Variants in IL1RAPL2 observed in about 807,000 individuals in gnomAD.
IL1RAPL2 encodes interleukin 1 receptor accessory protein like 2, also known as X-linked interleukin-1 receptor accessory protein-like 2.
A neutral mutation model predicts 44.1 loss-of-function variants in IL1RAPL2; 3 were observed. The ratio of observed to expected loss-of-function variants is 0.07; its 90% CI spans 0.03 to 0.18. IL1RAPL2 has a LOEUF of 0.18. IL1RAPL2 is among the 10% of genes least tolerant of loss of function. The pLI is 1.00. For missense variants in IL1RAPL2, 391 were observed against 496.4 expected (o/e 0.79, Z 2.02); for synonymous variants, 181 against 178.8 (o/e 1.01, Z -0.10).
intron 2 of IL1RAPL2, among the ~76,000 whole-genome samples, chrX:104,982,347 A>G (rs2030457229): frequency 9.0e-6 from 1 of 111,316 alleles, no homozygotes; most frequent in Non-Finnish European, 1.9e-5. Flanking sequence ...ACACATTTAT[A>G]GACACATAAC....
intron 2 of IL1RAPL2, among the ~76,000 whole-genome samples, chrX:104,965,411 A>T (rs1291870056): frequency 8.9e-6 from 1 of 112,006 alleles, no homozygotes; most frequent in East Asian, 2.8e-4. Context: ...GATCCTGGAA[A>T]CTTTGAGCAA....
At chrX:105,405,637 G>A in intron 5 of IL1RAPL2, 2 of 1,127,841 alleles carry the variant, frequency 1.8e-6, no homozygotes, top group South Asian at 3.6e-5. Flanking sequence ...GACCCAGCGG[G>A]GGCAGCGCGA....
At chrX:105,650,475 A>T (rs756232105) in intron 6 of IL1RAPL2, among the ~76,000 whole-genome samples, 7 of 111,737 alleles carry the variant, frequency 6.3e-5, no homozygotes, top group African/African-American at 1.9e-4. Context: ...ATTTTTACCA[A>T]ATCAAATTGG....
chrX:105,295,251 T>C (rs2034645759), intron 5 of IL1RAPL2, among the ~76,000 whole-genome samples: 1 of 110,946 alleles, frequency 9.0e-6, no homozygotes, highest in Admixed American at 9.6e-5. Context: ...ATATGGAAAA[T>C]GTTTGTAGGC....
chrX:104,600,047 T>C (rs1928849844), intron 1 of IL1RAPL2, among the ~76,000 whole-genome samples: 1 of 111,693 alleles, frequency 9.0e-6, no homozygotes. Context: ...CAGCACAAGC[T>C]GGTTGGAAGC....
intron 2 of IL1RAPL2, among the ~76,000 whole-genome samples, chrX:105,173,124 A>G (rs757916020): frequency 3.9e-4 from 43 of 110,799 alleles, no homozygotes; most frequent in Non-Finnish European, 7.5e-5. Context: ...TCCCATCCCC[A>G]AGTCTTCTAA....
chrX:105,137,979 G>A (rs2033091668), intron 2 of IL1RAPL2, among the ~76,000 whole-genome samples: 1 of 111,983 alleles, frequency 8.9e-6, no homozygotes, highest in Admixed American at 9.4e-5. Flanking sequence ...AGGCTGAGGT[G>A]AGAGGATCAC....
rs144008344 is a variant in IL1RAPL2 at position 105,703,638 on chromosome X, G to T, written c.773-13729G>T. Reference sequence around the variant, plus strand: ...CTGTGCCCTCTATTTCTCATCTAGAGTGAGAAGATGAGAGGATGAGACGAT... The same window carrying T: ...CTGTGCCCTCTATTTCTCATCTAGATTGAGAAGATGAGAGGATGAGACGAT... On this transcript the variant is annotated intron_variant, in intron 6 of 10. Coordinates refer to ENST00000372582, the MANE Select transcript of IL1RAPL2 (RefSeq NM_017416.2). Among the ~76,000 whole-genome samples the T allele has an allele frequency of 6.0e-3, 676 of 111,844 alleles. 6 individuals carry two copies. Among genetic ancestry groups the T allele is most frequent in the African/African-American group, 0.021 (661 of 30,840 alleles).
intron 4 of IL1RAPL2, among the ~76,000 whole-genome samples, chrX:105,249,690 A>G (rs2034253748): frequency 9.0e-6 from 1 of 111,497 alleles, no homozygotes; most frequent in South Asian, 3.7e-4. Context: ...AATCGAAAAC[A>G]CAGATGACAC....
At chrX:105,755,471 A>T in intron 10 of IL1RAPL2, 124 bp downstream of exon 10, 2 of 455,876 alleles carry the variant, frequency 4.4e-6, no homozygotes, top group Non-Finnish European at 7.2e-6. Context: ...CTTAAATCCA[A>T]ATTTTTCCCA....
intron 2 of IL1RAPL2, among the ~76,000 whole-genome samples, chrX:104,955,374 A>G (rs1925685402): frequency 9.1e-6 from 1 of 109,747 alleles, no homozygotes; most frequent in African/African-American, 3.3e-5. Context: ...CATGCTTTCT[A>G]TGTAGATAGT....
chrX:104,752,916 G>A (rs1271131445), intron 2 of IL1RAPL2, among the ~76,000 whole-genome samples: 2 of 109,891 alleles, frequency 1.8e-5, no homozygotes, highest in African/African-American at 6.6e-5. Context: ...ACCAGGTCAT[G>A]GTCTTTTCAC....
rs749202125 is a variant in IL1RAPL2 at position 105,136,597 on chromosome X, G to T, written c.83-58878G>T. On this transcript the variant is annotated intron_variant, in intron 2 of 10. Coordinates refer to ENST00000372582, the MANE Select transcript of IL1RAPL2 (RefSeq NM_017416.2). ...AAGAGTGTTATCATAATTTGCTCAT[G>T]GTATATGTATTCAGATTCTTTGGAA... 4.5e-5 allele frequency among the ~76,000 whole-genome samples: 5 copies of T among 112,316 alleles called. No individual in the cohort carries two copies. In the East Asian group the frequency reaches 1.4e-3, roughly 32 times the overall value.
At chrX:105,758,820 T>C (rs2038661995) in intron 10 of IL1RAPL2, among the ~76,000 whole-genome samples, 1 of 112,432 alleles carries the variant, frequency 8.9e-6, no homozygotes, top group Admixed American at 9.5e-5. Context: ...GGCATCTGAA[T>C]GTCAGAAGTG....
chrX:104,842,266 G>T (rs1408301053), intron 2 of IL1RAPL2, among the ~76,000 whole-genome samples: 1 of 109,779 alleles, frequency 9.1e-6, no homozygotes, highest in Non-Finnish European at 1.9e-5. Context: ...CTCTAAACTG[G>T]TTATTCTAGT....
At chrX:105,542,826 C>T (rs1283075695) in intron 6 of IL1RAPL2, among the ~76,000 whole-genome samples, 5 of 106,466 alleles carry the variant, frequency 4.7e-5, no homozygotes, top group South Asian at 4.1e-4. Context: ...CTCCGCCTCC[C>T]GGGTTCACGC....
At chrX:105,697,637 C>T (rs998728302) in intron 6 of IL1RAPL2, among the ~76,000 whole-genome samples, 1 of 110,918 alleles carries the variant, frequency 9.0e-6, no homozygotes, top group Non-Finnish European at 1.9e-5. Flanking sequence ...ATGGACTGTT[C>T]TAATGTACTG....
At chrX:105,102,793 T>C (rs972289717) in intron 2 of IL1RAPL2, among the ~76,000 whole-genome samples, 1 of 111,626 alleles carries the variant, frequency 9.0e-6, no homozygotes, top group African/African-American at 3.3e-5. Flanking sequence ...AAGCTGACAG[T>C]GATATGAACC....
intron 6 of IL1RAPL2, among the ~76,000 whole-genome samples, chrX:105,509,849 T>G (rs997060805): frequency 1.3e-4 from 14 of 111,392 alleles, no homozygotes; most frequent in African/African-American, 4.6e-4. Flanking sequence ...TCTCTTCATC[T>G]TAGACATTTA....
Sources: allele counts gnomAD v4.1 joint callset (sites outside exome capture counted in the v4.1 genomes callset), GRCh38; gene constraint gnomAD v4.1.1; transcripts MANE v1.5; gene names NCBI Gene and HGNC (gene_info 2026-07-23, HGNC 2026-07-21).